Variants in C8orf34 observed in about 807,000 individuals in gnomAD.
The protein encoded by C8orf34 is chromosome 8 open reading frame 34.
In C8orf34, 65 loss-of-function variants were observed where a neutral mutation model predicts 68.3. The observed-to-expected ratio is 0.95, with a 90% CI of 0.78 to 1.17. The LOEUF (loss-of-function observed/expected upper bound fraction) is 1.17, where lower values mean the gene tolerates loss of function less well. C8orf34 is among the 50% of genes most tolerant of loss of function. C8orf34 has a pLI of 0.00. For synonymous variants in C8orf34, 244 were observed against 241.2 expected, an observed-to-expected ratio of 1.01 and a Z score of -0.11; for missense variants, 664 against 655.4, an observed-to-expected ratio of 1.01 and a Z score of -0.14.
At chr8:68,455,983 C>A (rs184527350) in intron 3 of C8orf34, among the ~76,000 whole-genome samples, 1 of 151,198 alleles carries the variant, frequency 6.6e-6, no homozygotes, top group Admixed American at 6.6e-5. Context: ...TGGTGGCTCA[C>A]GCCTGTAATT....
At chr8:68,756,565 GA>G (rs914410390) in intron 10 of C8orf34, among the ~76,000 whole-genome samples, 18 of 152,062 alleles carry the variant, frequency 1.2e-4, no homozygotes, top group Admixed American at 1.2e-3. Flanking sequence ...GGTACTCAAA[GA>G]AAAGAAAGAA....
chr8:68,696,942 AACTTT>A (rs1217240061), intron 8 of C8orf34, among the ~76,000 whole-genome samples: 1 of 151,922 alleles, frequency 6.6e-6, no homozygotes, highest in Admixed American at 6.6e-5. Flanking sequence ...ACTATGGCTA[AACTTT>A]ACTTTGCATT....
chr8:68,457,659 G>T (rs1360101701), intron 3 of C8orf34, among the ~76,000 whole-genome samples: 2 of 152,026 alleles, frequency 1.3e-5, no homozygotes, highest in East Asian at 3.9e-4. Context: ...ATATACAATA[G>T]GCTGCTTTGT....
chr8:68,533,019 G>GCAGCAA lies in C8orf34; in HGVS notation c.984_989dup (p.Gln328_Gln329dup). On this transcript the variant is annotated inframe_insertion, in exon 7 of 14. Coordinates refer to ENST00000518698, the MANE Select transcript of C8orf34 (RefSeq NM_052958.4). ...AGCCTAAGAACAAAGGATTAAAACA[G>GCAGCAA]CAGCAACAGCAACATAAGAAACTCC... The GCAGCAA allele has an allele frequency of 1.2e-6, 2 of 1,607,596 alleles. No homozygotes were observed. The highest frequency in any genetic ancestry group is 1.7e-6 in the Non-Finnish European group (2 of 1,175,430).
intron 3 of C8orf34, among the ~76,000 whole-genome samples, chr8:68,460,962 G>GA (rs1369799962): frequency 2.6e-5 from 4 of 152,244 alleles, no homozygotes; most frequent in Admixed American, 6.5e-5. Context: ...GACGAGTTGT[G>GA]AGAAGAAGGC....
chr8:68,754,422 A>G (rs1342125677), intron 10 of C8orf34, among the ~76,000 whole-genome samples: 3 of 152,230 alleles, frequency 2.0e-5, no homozygotes, highest in Non-Finnish European at 2.9e-5. Context: ...TTGAGGCATA[A>G]CATTCCTTTT....
chr8:68,525,956 C>CTTTTTTT lies in C8orf34; in HGVS notation c.938+3999_938+4005dup, dbSNP rs10692707. On this transcript the variant is annotated intron_variant, in intron 6 of 13. Transcript: ENST00000518698. ...CTGAAAGAGACAAATTTCTTTCTTT[C>CTTTTTTT]TTTTTTTTTTTTTTTTTTTTGAGAC... is the stretch of plus-strand genomic sequence containing the variant. 181 of 178,714 alleles carry CTTTTTTT rather than the reference C, an allele frequency of 1.0e-3. 6 individuals carry two copies. Among genetic ancestry groups the CTTTTTTT allele is most frequent in the African/African-American group, 1.7e-3 (52 of 29,722 alleles). The allele number at this position is 178,714 out of a possible 1,614,324, so 11.1% of individuals were successfully genotyped here.
intron 3 of C8orf34, among the ~76,000 whole-genome samples, chr8:68,448,516 C>A (rs1811214326): frequency 6.6e-6 from 1 of 152,034 alleles, no homozygotes; most frequent in Admixed American, 6.6e-5. Flanking sequence ...ATCTCTAAAG[C>A]ATCACTAAGA....
chr8:68,592,314 T>G (rs1161898006), intron 7 of C8orf34, among the ~76,000 whole-genome samples: 1 of 152,108 alleles, frequency 6.6e-6, no homozygotes, highest in Non-Finnish European at 1.5e-5. Context: ...CATGTATAAC[T>G]TTTAATGACT....
chr8:68,383,835 G>T (rs909326523), intron 1 of C8orf34, among the ~76,000 whole-genome samples: 3 of 152,148 alleles, frequency 2.0e-5, no homozygotes, highest in Non-Finnish European at 2.9e-5. Context: ...CACTGGCCAG[G>T]TGCTGAAAAA....
intron 9 of C8orf34, among the ~76,000 whole-genome samples, chr8:68,712,432 T>C (rs1821351892): frequency 6.6e-6 from 1 of 152,168 alleles, no homozygotes; most frequent in African/African-American, 2.4e-5. Flanking sequence ...AAGTTTCTGC[T>C]GTCTTCAGGA....
intron 3 of C8orf34, among the ~76,000 whole-genome samples, chr8:68,460,172 G>T (rs918329385): frequency 1.3e-5 from 2 of 152,146 alleles, no homozygotes; most frequent in Admixed American, 6.5e-5. Context: ...CTACACCCAC[G>T]GAGTCTCGCT....
chr8:68,743,756 G>C (rs533089237), intron 10 of C8orf34, among the ~76,000 whole-genome samples: 19 of 152,334 alleles, frequency 1.2e-4, no homozygotes, highest in African/African-American at 4.6e-4. Context: ...CTCGCTGATT[G>C]CTAGCACAGC....
chr8:68,757,828 T>A (rs1378733235), intron 10 of C8orf34, among the ~76,000 whole-genome samples: 1 of 152,176 alleles, frequency 6.6e-6, no homozygotes, highest in Non-Finnish European at 1.5e-5. Context: ...GCTTGGTTTT[T>A]TAGCTCTAAG....
chr8:68,635,134 G>A (rs182292716), intron 7 of C8orf34, among the ~76,000 whole-genome samples: 1 of 152,088 alleles, frequency 6.6e-6, no homozygotes, highest in Non-Finnish European at 1.5e-5. Context: ...GAGAGTTCTG[G>A]CAGGGAGTTT....
At chr8:68,708,762 C>T (rs1160263262) in intron 8 of C8orf34, among the ~76,000 whole-genome samples, 1 of 152,078 alleles carries the variant, frequency 6.6e-6, no homozygotes, top group Admixed American at 6.6e-5. Flanking sequence ...CAGATTCTAC[C>T]TAGATAAATC....
chr8:68,456,186 G>A (rs929866535), intron 3 of C8orf34, among the ~76,000 whole-genome samples: 2 of 151,730 alleles, frequency 1.3e-5, no homozygotes, highest in Non-Finnish European at 2.9e-5. Context: ...AACCCAGGAG[G>A]CAGAACTTGC....
intron 12 of C8orf34, among the ~76,000 whole-genome samples, chr8:68,808,183 A>G (rs988888331): frequency 1.3e-5 from 2 of 152,188 alleles, no homozygotes; most frequent in Admixed American, 6.5e-5. Context: ...GCCTTCACAC[A>G]GGTTTTTAAA....
chr8:68,797,140 G>A (rs1824201914), intron 12 of C8orf34, among the ~76,000 whole-genome samples: 1 of 152,106 alleles, frequency 6.6e-6, no homozygotes, highest in African/African-American at 2.4e-5. Flanking sequence ...TTGAGTTCTT[G>A]TAGAATGCCT....
Sources: allele counts gnomAD v4.1 joint callset (sites outside exome capture counted in the v4.1 genomes callset), GRCh38; gene constraint gnomAD v4.1.1; transcripts MANE v1.5; gene names NCBI Gene and HGNC (gene_info 2026-07-23, HGNC 2026-07-21).